MYPN: variants seen among roughly 807,000 people sequenced by gnomAD.
MYPN encodes sarcomeric protein myopalladin, 145 kDa (MYOP).
In MYPN, 63 loss-of-function variants were observed where a neutral mutation model predicts 129.4. That is an observed-to-expected ratio of 0.49 (90% CI 0.40 to 0.60). The LOEUF (loss-of-function observed/expected upper bound fraction) is 0.60, where lower values mean the gene tolerates loss of function less well. Ranked by LOEUF, MYPN falls within the 20% of genes least tolerant of loss-of-function variation. The pLI is 0.00. For synonymous variants in MYPN, 629 were observed against 600.9 expected, an observed-to-expected ratio of 1.05 and a Z score of -0.68; for missense variants, 1,596 against 1,635.4, an observed-to-expected ratio of 0.98 and a Z score of 0.42.
intron 1 of MYPN, among the ~76,000 whole-genome samples, chr10:68,099,402 G>A (rs759032366): frequency 3.3e-5 from 5 of 152,026 alleles, no homozygotes; most frequent in Non-Finnish European, 4.4e-5. Context: ...TGTGATTGTA[G>A]GTAACTTCAG....
At chr10:68,134,171 A>G (rs560342386) in intron 2 of MYPN, among the ~76,000 whole-genome samples, 133 of 152,324 alleles carry the variant, frequency 8.7e-4, no homozygotes, top group African/African-American at 2.4e-3. Flanking sequence ...TTCATTCAAT[A>G]ACAATTCATT....
chr10:68,092,490 C>T (rs531298928), intron 1 of MYPN, among the ~76,000 whole-genome samples: 16 of 147,610 alleles, frequency 1.1e-4, no homozygotes, highest in African/African-American at 3.5e-4. Flanking sequence ...AGTGAGACTT[C>T]GTCTCAAAAA....
chr10:68,105,019 G>A (rs2042001596), upstream of MYPN, among the ~76,000 whole-genome samples: 2 of 152,164 alleles, frequency 1.3e-5, no homozygotes, highest in Non-Finnish European at 2.9e-5. Context: ...CCTGACCTCA[G>A]GTGAGCCACC....
At chr10:68,087,958 T>C (rs928363982) in exon 1 of MYPN, among the ~76,000 whole-genome samples, 5 of 152,316 alleles carry the variant, frequency 3.3e-5, no homozygotes, top group Admixed American at 2.6e-4. Flanking sequence ...AACTACCCAA[T>C]GTAGCCTTTG....
rs117572284 is a variant in MYPN at position 68,198,122 on chromosome 10, T to A, written c.3285+644T>A. ...GACTACTATAATTCAGACATTTGCA[T>A]CTAAGCCTTTTAAGAATTCTAGAAT... On this transcript the variant is annotated intron_variant, in intron 16 of 19. Coordinates refer to ENST00000358913, the MANE Select transcript of MYPN (RefSeq NM_032578.4). Among the ~76,000 whole-genome samples the A allele has an allele frequency of 9.6e-3, 1,465 of 152,360 alleles. 17 individuals carry two copies. The highest frequency in any genetic ancestry group is 0.014 in the Non-Finnish European group (951 of 68,032).
At chr10:68,095,402 T>C (rs1224486737) in intron 1 of MYPN, among the ~76,000 whole-genome samples, 1 of 152,018 alleles carries the variant, frequency 6.6e-6, no homozygotes, top group Non-Finnish European at 1.5e-5. Flanking sequence ...TGACTAACTC[T>C]TTTTTGGCTG....
At chr10:68,165,628 A>G in intron 8 of MYPN, 74 bp from the exon 9 acceptor site, 1 of 1,086,656 alleles carries the variant, frequency 9.2e-7, no homozygotes. Context: ...TAGAATCATC[A>G]TCTGATACCA....
rs558377291 is a variant in MYPN at position 68,175,481 on chromosome 10, A to C, written c.2703+20A>C. On this transcript the variant is annotated intron_variant, in intron 12 of 19. Coordinates refer to ENST00000358913, the MANE Select transcript of MYPN (RefSeq NM_032578.4). ...CAGCAGGTAAGATTGTTGGATTTAG[A>C]AGGTTTATTGAAATTTTATTGTAAG... 2.2e-4 allele frequency: 361 copies of C among 1,613,420 alleles called. 3 individuals carry two copies. In the South Asian group the frequency reaches 3.3e-3, roughly 15 times the overall value.
chr10:68,166,412 C>T lies in MYPN; in HGVS notation c.1719C>T (p.Pro573=), dbSNP rs201279829. ...PHSEPPSVEQ[P]PKPKLEGVLV... ...CAGAGCCTCCATCTGTGGAACAACC[C>T]CCCAAACCCAAACTCGAGGGGGTTC... The change falls in exon 10 of 20, where the codon CCC becomes CCT. Residue 573 remains proline (P), a synonymous_variant. Transcript: ENST00000358913. The T allele has an allele frequency of 2.2e-5, 36 of 1,614,000 alleles. No homozygotes were observed. The highest frequency in any genetic ancestry group is 1.3e-5 in the African/African-American group (1 of 74,896).
intron 2 of MYPN, among the ~76,000 whole-genome samples, chr10:68,140,997 G>A (rs146170814): frequency 0.012 from 1,804 of 152,222 alleles, 20 homozygotes; most frequent in African/African-American, 0.041. Flanking sequence ...ACCTGAGCCC[G>A]GGGAGGTTGA....
chr10:68,201,062 T>C lies in MYPN; in HGVS notation c.3494-767T>C, dbSNP rs542565565. The stretch of plus-strand genomic sequence containing the variant: ...CAGTCTTGTGTGTGTGTGTTTTAGA[T>C]AGTGTTATTCTGTAGGTGTCAGATT... On this transcript the variant is annotated intron_variant, in intron 17 of 19. Coordinates refer to ENST00000358913, the MANE Select transcript of MYPN (RefSeq NM_032578.4). 1.3e-3 allele frequency among the ~76,000 whole-genome samples: 201 copies of C among 152,270 alleles called. 1 individual carries two copies. Among genetic ancestry groups the C allele is most frequent in the African/African-American group, 4.7e-3 (196 of 41,550 alleles).
upstream of MYPN, among the ~76,000 whole-genome samples, chr10:68,104,001 T>C (rs1246572869): frequency 6.6e-6 from 1 of 152,198 alleles, no homozygotes. Context: ...CTCAACTGTG[T>C]AACTCACTGG....
intron 1 of MYPN, among the ~76,000 whole-genome samples, chr10:68,118,705 G>A (rs767500937): frequency 1.6e-4 from 25 of 151,934 alleles, no homozygotes; most frequent in African/African-American, 7.3e-5. Flanking sequence ...GTGGTGGTGC[G>A]TGGCTGTAGT....
At chr10:68,143,847 C>A (rs555193505) in intron 3 of MYPN, among the ~76,000 whole-genome samples, 1 of 152,236 alleles carries the variant, frequency 6.6e-6, no homozygotes, top group East Asian at 1.9e-4. Context: ...CTCCGCCTCC[C>A]GGGTTCAAGT....
chr10:68,192,961 C>T (rs932201052), intron 13 of MYPN, among the ~76,000 whole-genome samples: 1 of 151,928 alleles, frequency 6.6e-6, no homozygotes, highest in East Asian at 1.9e-4. Context: ...CTTTTTAAAA[C>T]ACCAACTTTT....
intron 12 of MYPN, among the ~76,000 whole-genome samples, chr10:68,182,327 TA>T (rs2043334117): frequency 4.2e-5 from 3 of 71,718 alleles, no homozygotes; most frequent in Non-Finnish European, 6.7e-5. Context: ...ATATAACATA[TA>T]TATAACACAC....
At chr10:68,116,599 G>T (rs1455508076) in intron 1 of MYPN, among the ~76,000 whole-genome samples, 4 of 152,218 alleles carry the variant, frequency 2.6e-5, no homozygotes, top group Non-Finnish European at 5.9e-5. Flanking sequence ...AGCCGGGCAT[G>T]GTGGCAGGTG....
chr10:68,175,191 C>G (rs755909652), intron 11 of MYPN, 132 bp from the exon 12 acceptor site: 1 of 986,432 alleles, frequency 1.0e-6, no homozygotes, highest in Non-Finnish European at 1.6e-6. Context: ...CGATTCTCTG[C>G]ACAGGGCTTA....
upstream of MYPN, among the ~76,000 whole-genome samples, chr10:68,108,759 TC>T (rs2042042593): frequency 6.6e-6 from 1 of 152,120 alleles, no homozygotes; most frequent in South Asian, 2.1e-4. Context: ...TTTCGCTCTG[TC>T]CCCCTTGTTG....
Sources: allele counts gnomAD v4.1 joint callset (sites outside exome capture counted in the v4.1 genomes callset), GRCh38; gene constraint gnomAD v4.1.1; transcripts MANE v1.5; gene names NCBI Gene and HGNC (gene_info 2026-07-23, HGNC 2026-07-21).